The following YAP1 variants were observed in gnomAD, a reference collection of about 807,000 sequenced individuals.
The protein encoded by YAP1 is Yes1 associated transcriptional regulator.
YAP1 carries 5 observed loss-of-function variants against 56.9 expected under a neutral mutation model. That is an observed-to-expected ratio of 0.09 (90% confidence interval 0.05 to 0.18). The LOEUF is 0.18. Ranked by LOEUF, YAP1 falls within the 10% of genes least tolerant of loss-of-function variation. YAP1 has a pLI of 1.00. For synonymous variants in YAP1, 265 were observed against 248.1 expected, an observed-to-expected ratio of 1.07 and a Z score of -0.64; for missense variants, 539 against 651.8, an observed-to-expected ratio of 0.83 and a Z score of 1.88.
chr11:102,226,824 T>TC (rs1220663238), intron 7 of YAP1: 2 of 152,112 alleles, frequency 1.3e-5, no homozygotes, highest in African/African-American at 4.8e-5. Flanking sequence ...GGCTTTTTCC[T>TC]CCCCCGCCCA....
chr11:102,231,300 T>C lies in YAP1; in HGVS notation c.*1360T>C, dbSNP rs1468345024. 6.6e-6 allele frequency: 1 copy of C among 152,254 alleles called. No individual in the cohort carries two copies. The highest frequency in any genetic ancestry group is 1.5e-5 in the Non-Finnish European group (1 of 68,052). 9.4% of individuals were successfully genotyped at this position (152,254 alleles called of 1,614,324 possible). A position where few individuals can be genotyped will look rare whatever the true frequency, so the allele number is the denominator to read the frequency against. On this transcript the variant is annotated 3_prime_UTR_variant, in exon 9 of 9. Transcript: ENST00000282441. ...TTTAGCTTTGGAAGTTTTCTTTGCC[T>C]TAGTTTTGGAAGTAAATTCTAGTTT...
chr11:102,214,723 C>T (rs1448837934), intron 6 of YAP1, among the ~76,000 whole-genome samples: 1 of 152,164 alleles, frequency 6.6e-6, no homozygotes, highest in Non-Finnish European at 1.5e-5. Context: ...GATTTAGTCT[C>T]ACACCTCACA....
At chr11:102,149,269 GT>G (rs1158238986) in intron 2 of YAP1, among the ~76,000 whole-genome samples, 1 of 152,236 alleles carries the variant, frequency 6.6e-6, no homozygotes, top group Non-Finnish European at 1.5e-5. Context: ...GAACAGGCAT[GT>G]TTTGGAGCCA....
intron 2 of YAP1, among the ~76,000 whole-genome samples, chr11:102,134,718 T>A (rs1944571741): frequency 6.6e-6 from 1 of 152,092 alleles, no homozygotes; most frequent in South Asian, 2.1e-4. Context: ...TACCTTTTTT[T>A]AAATTTGAGA....
Position 102,171,742 on chromosome 11 carries a change from AT to A in YAP1, c.688+9177del, listed in dbSNP as rs558729683. On this transcript the variant is annotated intron_variant, in intron 3 of 8. Transcript: ENST00000282441. ...CTATAACCTGACAAACAGGAAAATGATTTTTTAAGCAGTTTCATAGTTTTAC... is the reference window on the plus strand; with the variant it reads ...CTATAACCTGACAAACAGGAAAATGATTTTTAAGCAGTTTCATAGTTTTAC... 1.9e-3 allele frequency among the ~76,000 whole-genome samples: 288 copies of A among 152,266 alleles called. 1 individual carries two copies. Among genetic ancestry groups the A allele is most frequent in the Non-Finnish European group, 3.1e-3 (208 of 68,010 alleles).
chr11:102,160,126 C>T (rs927899477), intron 2 of YAP1, among the ~76,000 whole-genome samples: 2 of 146,858 alleles, frequency 1.4e-5, no homozygotes, highest in Non-Finnish European at 3.0e-5. Flanking sequence ...TGGGTTTAAG[C>T]GATTCTCCTG....
chr11:102,146,573 T>C (rs1396121964), intron 2 of YAP1, among the ~76,000 whole-genome samples: 1 of 152,260 alleles, frequency 6.6e-6, no homozygotes, highest in African/African-American at 2.4e-5. Flanking sequence ...CTTTTTCCTG[T>C]AGCTCGTACT....
intron 2 of YAP1, among the ~76,000 whole-genome samples, chr11:102,135,835 G>C (rs1045493657): frequency 2.6e-5 from 4 of 152,154 alleles, no homozygotes; most frequent in Non-Finnish European, 5.9e-5. Flanking sequence ...TATTTTTGCA[G>C]TTTGCATCTT....
At chr11:102,223,270 A>AAAAAAAAAG (rs1565286708) in intron 6 of YAP1, among the ~76,000 whole-genome samples, 2 of 147,918 alleles carry the variant, frequency 1.4e-5, no homozygotes, top group Non-Finnish European at 3.0e-5. Context: ...AAAAAAAAAA[A>AAAAAAAAAG]AAGAAGAATT....
chr11:102,216,517 A>G (rs1310182119), intron 6 of YAP1, among the ~76,000 whole-genome samples: 2 of 152,158 alleles, frequency 1.3e-5, no homozygotes, highest in East Asian at 1.9e-4. Context: ...ATCAAAACAC[A>G]TTTTCAGTGA....
intron 2 of YAP1, among the ~76,000 whole-genome samples, chr11:102,121,262 A>G (rs1033280844): frequency 1.3e-5 from 2 of 151,914 alleles, no homozygotes; most frequent in Non-Finnish European, 2.9e-5. Flanking sequence ...ATGTAGCAAG[A>G]TCTCATCTCT....
chr11:102,201,412 TAGG>T (rs1032834347), intron 4 of YAP1, among the ~76,000 whole-genome samples: 3 of 151,954 alleles, frequency 2.0e-5, no homozygotes, highest in African/African-American at 7.3e-5. Context: ...CTATTGGAGG[TAGG>T]AGGAAGCGGG....
chr11:102,149,359 G>A (rs1945497551), intron 2 of YAP1, among the ~76,000 whole-genome samples: 1 of 152,186 alleles, frequency 6.6e-6, no homozygotes, highest in Non-Finnish European at 1.5e-5. Flanking sequence ...GGTATGATAT[G>A]TATGCTGGAT....
At chr11:102,201,970 C>A (rs948492640) in intron 4 of YAP1, among the ~76,000 whole-genome samples, 57 of 150,790 alleles carry the variant, frequency 3.8e-4, no homozygotes, top group Admixed American at 1.3e-4. Context: ...TAAAAGCAAA[C>A]AAGGAAGTAG....
At chr11:102,150,305 A>T (rs566839587) in intron 2 of YAP1, among the ~76,000 whole-genome samples, 2 of 152,224 alleles carry the variant, frequency 1.3e-5, no homozygotes, top group South Asian at 4.2e-4. Context: ...TTGCACAGAA[A>T]TTAGAAGTAT....
In YAP1 at chr11:102,227,929, A is replaced by C. The variant is rs1050528199; in HGVS notation, c.1276+348A>C. On this transcript the variant is annotated intron_variant, in intron 8 of 8. Transcript: ENST00000282441. ...ATAAAAAAACATACAAAAATAAGTC[A>C]GCTGTCATGGTACATGCCTGTAGTC... is the stretch of plus-strand genomic sequence containing the variant. Among the ~76,000 whole-genome samples the C allele has an allele frequency of 2.6e-5, 4 of 151,908 alleles. No homozygotes were observed. In the East Asian group the frequency reaches 7.8e-4, roughly 29 times the overall value.
At chr11:102,113,102 G>T (rs1244348767) in intron 1 of YAP1, among the ~76,000 whole-genome samples, 1 of 152,132 alleles carries the variant, frequency 6.6e-6, no homozygotes, top group Non-Finnish European at 1.5e-5. Flanking sequence ...TCAAAAAGGT[G>T]TATCACTTTA....
chr11:102,169,584 C>T (rs528490265), intron 3 of YAP1, among the ~76,000 whole-genome samples: 12 of 152,312 alleles, frequency 7.9e-5, no homozygotes, highest in Admixed American at 7.2e-4. Flanking sequence ...TGACTAGTTA[C>T]TCTCGGGCTT....
chr11:102,190,448 T>C (rs1200397323), intron 4 of YAP1, among the ~76,000 whole-genome samples: 1 of 151,798 alleles, frequency 6.6e-6, no homozygotes, highest in African/African-American at 2.4e-5. Flanking sequence ...CTGGCCAACA[T>C]AGTGAAACCC....
Sources: allele counts gnomAD v4.1 joint callset (sites outside exome capture counted in the v4.1 genomes callset), GRCh38; gene constraint gnomAD v4.1.1; transcripts MANE v1.5; gene names NCBI Gene and HGNC (gene_info 2026-07-23, HGNC 2026-07-21).